The following CAMK2B variants were observed in gnomAD, a reference collection of about 807,000 sequenced individuals.
CAMK2B encodes the protein calcium/calmodulin dependent protein kinase II beta.
A neutral mutation model predicts 93.7 loss-of-function variants in CAMK2B; 27 were observed. The observed-to-expected ratio is 0.29, with a 90% CI of 0.21 to 0.40. CAMK2B has a LOEUF of 0.40. Among genes scored for constraint, CAMK2B ranks in the 10% least tolerant of loss-of-function variants. The pLI is 1.00. For synonymous variants in CAMK2B, 374 were observed against 358.8 expected (o/e 1.04, Z -0.48); for missense variants, 568 against 895.8 (o/e 0.63, Z 4.67).
In CAMK2B at chr7:44,217,927, T is replaced by TA. The variant is rs914397809; in HGVS notation, c.*1597dup. On this transcript the variant is annotated 3_prime_UTR_variant, in exon 24 of 24. Coordinates refer to ENST00000395749, the MANE Select transcript of CAMK2B (RefSeq NM_001220.5). ...GCCCTGTCCCCGAGCTCCCCCATGG[T>TA]ACACACCATCACAAGGGGCCGGGGA... 6.6e-6 allele frequency: 1 copy of TA among 152,034 alleles called. No homozygotes were observed. Among genetic ancestry groups the TA allele is most frequent in the African/African-American group, 2.4e-5 (1 of 41,336 alleles). The allele number at this position is 152,034 out of a possible 1,614,324, so 9.4% of individuals were successfully genotyped here. A position where few individuals can be genotyped will look rare whatever the true frequency, so the allele number is the denominator to read the frequency against.
intron 1 of CAMK2B, among the ~76,000 whole-genome samples, chr7:44,306,006 G>A (rs1791385151): frequency 1.3e-5 from 2 of 152,298 alleles, no homozygotes; most frequent in Non-Finnish European, 1.5e-5. Flanking sequence ...CTGCAAGGGG[G>A]GATGATGTGG....
At chr7:44,306,260 C>T (rs1392062801) in intron 1 of CAMK2B, among the ~76,000 whole-genome samples, 1 of 152,100 alleles carries the variant, frequency 6.6e-6, no homozygotes. Context: ...TCCTGTGCAG[C>T]CTCGGTGGGA....
intron 1 of CAMK2B, among the ~76,000 whole-genome samples, chr7:44,289,778 C>T (rs1268410285): frequency 6.6e-6 from 1 of 152,244 alleles, no homozygotes. Flanking sequence ...ATGTGATCCC[C>T]ATGACAGGCT....
Position 44,220,213 on chromosome 7 carries a change from A to G in CAMK2B, c.1850T>C (p.Ile617Thr), listed in dbSNP as rs1326416779. 1 of 1,613,322 alleles carries G rather than the reference A, an allele frequency of 6.2e-7. No individual in the cohort carries two copies. Among genetic ancestry groups the G allele is most frequent in the Admixed American group, 1.7e-5 (1 of 60,022 alleles). ...VHVIGEDAAC[I>T]AYIRLTQYID... ...GTACTGCGTGAGCCGGATGTAAGCGATGCAGGCGGCATCCTCTCCAATGAC... is the reference window on the plus strand; with the variant it reads ...GTACTGCGTGAGCCGGATGTAAGCGGTGCAGGCGGCATCCTCTCCAATGAC... Residue 617 changes from isoleucine (I) to threonine (T), a missense_variant, in exon 23 of 24, where the codon ATC becomes ACC. This residue lies in a region of CAMK2B where 116 missense variants were observed against 188.0 expected (regional missense o/e 0.62). Coordinates refer to ENST00000395749, the MANE Select transcript of CAMK2B (RefSeq NM_001220.5).
chr7:44,264,892 A>G (rs2096910099), intron 2 of CAMK2B, among the ~76,000 whole-genome samples: 1 of 152,266 alleles, frequency 6.6e-6, no homozygotes, highest in South Asian at 2.1e-4. Flanking sequence ...ATGGAGCTCA[A>G]AACCCAGCAA....
chr7:44,247,485 T>A (rs1270015782), intron 5 of CAMK2B, among the ~76,000 whole-genome samples: 1 of 152,162 alleles, frequency 6.6e-6, no homozygotes, highest in Non-Finnish European at 1.5e-5. Context: ...CAGGCTCCTG[T>A]TGGCCAAGCT....
intron 19 of CAMK2B, among the ~76,000 whole-genome samples, chr7:44,227,129 A>G (rs192282344): frequency 7.7e-3 from 3 of 390 alleles, no homozygotes; most frequent in South Asian, 0.1. Context: ...GGGAGTGTGG[A>G]GGACAGAGGG....
intron 1 of CAMK2B, among the ~76,000 whole-genome samples, chr7:44,299,319 G>A (rs1322038583): frequency 3.3e-5 from 5 of 152,150 alleles, no homozygotes; most frequent in Non-Finnish European, 5.9e-5. Context: ...CCCCTTATAT[G>A]GGATACCTAG....
chr7:44,243,100 G>A, intron 8 of CAMK2B, 150 bp downstream of exon 8: 1 of 647,280 alleles, frequency 1.5e-6, no homozygotes, highest in Non-Finnish European at 2.7e-6. Context: ...TGTGTGGGCA[G>A]ACCCCTGCCA....
intron 10 of CAMK2B, 78 bp from the exon 11 acceptor site, chr7:44,241,861 C>T (rs2096682295): frequency 8.5e-7 from 1 of 1,173,476 alleles, no homozygotes; most frequent in Non-Finnish European, 1.2e-6. Flanking sequence ...GCTTGTGGCA[C>T]CCTGGGGTCC....
At chr7:44,251,825 T>C (rs1326729302) in intron 5 of CAMK2B, among the ~76,000 whole-genome samples, 4 of 152,170 alleles carry the variant, frequency 2.6e-5, no homozygotes, top group Non-Finnish European at 5.9e-5. Flanking sequence ...CACTACAGTT[T>C]GCTCTGGCAA....
intron 2 of CAMK2B, among the ~76,000 whole-genome samples, chr7:44,274,802 A>C (rs2097016443): frequency 6.6e-6 from 1 of 152,128 alleles, no homozygotes; most frequent in Non-Finnish European, 1.5e-5. Context: ...CCAGGTCTTC[A>C]AACCTTGGGC....
intron 1 of CAMK2B, among the ~76,000 whole-genome samples, chr7:44,318,955 G>C (rs149354107): frequency 1.0e-3 from 159 of 152,322 alleles, no homozygotes; most frequent in African/African-American, 3.7e-3. Flanking sequence ...TTGGCAGCTA[G>C]CAACACCACC....
At chr7:44,251,575 C>T (rs939097065) in intron 5 of CAMK2B, among the ~76,000 whole-genome samples, 1 of 152,244 alleles carries the variant, frequency 6.6e-6, no homozygotes, top group East Asian at 1.9e-4. Context: ...CCCACTCAGC[C>T]TCCAAAATCA....
chr7:44,288,530 C>T (rs904791262), intron 1 of CAMK2B, among the ~76,000 whole-genome samples: 4 of 152,168 alleles, frequency 2.6e-5, no homozygotes, highest in South Asian at 2.1e-4. Flanking sequence ...CTGCATGGGA[C>T]GAATGCTACT....
intron 17 of CAMK2B, among the ~76,000 whole-genome samples, chr7:44,230,755 GTGGCTTCCT>G (rs1406980940): frequency 6.6e-6 from 1 of 152,128 alleles, no homozygotes; most frequent in Non-Finnish European, 1.5e-5. Context: ...ATGCAAAGCC[GTGGCTTCCT>G]CACTTGGATG....
intron 2 of CAMK2B, among the ~76,000 whole-genome samples, chr7:44,280,284 G>A (rs930989022): frequency 6.6e-6 from 1 of 152,208 alleles, no homozygotes; most frequent in African/African-American, 2.4e-5. Flanking sequence ...CCACAGGTGT[G>A]GGCCTGGTAT....
At chr7:44,234,541 T>G (rs2096607802) in intron 14 of CAMK2B, 80 bp from the exon 15 acceptor site, 2 of 1,585,206 alleles carry the variant, frequency 1.3e-6, no homozygotes, top group Non-Finnish European at 1.7e-6. Context: ...TCTCAGGGCA[T>G]GGGGGGAGGG....
At chr7:44,278,840 T>A (rs1353353004) in intron 2 of CAMK2B, among the ~76,000 whole-genome samples, 1 of 152,226 alleles carries the variant, frequency 6.6e-6, no homozygotes, top group African/African-American at 2.4e-5. Flanking sequence ...TCCAAGGGGA[T>A]GAGGTTCCCT....
Sources: allele counts gnomAD v4.1 joint callset (sites outside exome capture counted in the v4.1 genomes callset), GRCh38; gene constraint gnomAD v4.1.1; regional missense constraint gnomAD v4.1.1; transcripts MANE v1.5; gene names NCBI Gene and HGNC (gene_info 2026-07-23, HGNC 2026-07-21).